The following DIXDC1 variants were observed in gnomAD, a reference collection of about 807,000 sequenced individuals.
DIXDC1 encodes DIX domain containing 1.
A neutral mutation model predicts 103.1 loss-of-function variants in DIXDC1; 64 were observed. The ratio of observed to expected loss-of-function variants is 0.62; its 90% CI spans 0.51 to 0.76. DIXDC1 has a LOEUF of 0.76. Among genes scored for constraint, DIXDC1 ranks in the 30% least tolerant of loss-of-function variants. The probability of loss-of-function intolerance (pLI) is 0.00; values close to 1 mark genes in which losing one functional copy is unlikely to be tolerated. For missense variants in DIXDC1, 759 were observed against 834.2 expected (o/e 0.91, Z 1.11); for synonymous variants, 266 against 298.5 (o/e 0.89, Z 1.12).
chr11:111,986,993 G>C (rs1057118886), intron 9 of DIXDC1, 69 bp downstream of exon 9: 2 of 1,339,546 alleles, frequency 1.5e-6, no homozygotes, highest in Admixed American at 2.1e-5. Flanking sequence ...GCTCGCGCCT[G>C]TAATCCCAGC....
At chr11:111,980,196 C>T (rs1860250267) in intron 5 of DIXDC1, among the ~76,000 whole-genome samples, 1 of 152,174 alleles carries the variant, frequency 6.6e-6, no homozygotes. Flanking sequence ...CCTCCAGCAA[C>T]TTTTCCCCTT....
intron 17 of DIXDC1, among the ~76,000 whole-genome samples, chr11:112,011,547 C>T (rs1233081142): frequency 6.6e-6 from 1 of 152,138 alleles, no homozygotes; most frequent in African/African-American, 2.4e-5. Context: ...AGACTTGGAA[C>T]CAACCCAAAT....
upstream of DIXDC1, among the ~76,000 whole-genome samples, chr11:111,935,477 T>C (rs1966161619): frequency 6.6e-6 from 1 of 152,222 alleles, no homozygotes; most frequent in African/African-American, 2.4e-5. Context: ...CCCTCTGATG[T>C]CTCAATATTT....
upstream of DIXDC1, chr11:111,937,314 C>A: frequency 2.2e-6 from 3 of 1,340,342 alleles, no homozygotes; most frequent in African/African-American, 4.6e-5. Context: ...GCGGAGGCCC[C>A]CGTGCGAGCA....
At chr11:111,936,986 C>T (rs587730486), upstream of DIXDC1, among the ~76,000 whole-genome samples, 65 of 146,170 alleles carry the variant, frequency 4.4e-4, no homozygotes, top group African/African-American at 1.6e-3. Context: ...TGTTTGTCAA[C>T]GTGTGTGTGT....
intron 17 of DIXDC1, among the ~76,000 whole-genome samples, chr11:111,996,845 A>G (rs1860916125): frequency 6.6e-6 from 1 of 152,208 alleles, no homozygotes; most frequent in Non-Finnish European, 1.5e-5. Flanking sequence ...GTAAGACTCC[A>G]TCTCAAAATA....
At chr11:111,964,803 A>G (rs782376590) in intron 2 of DIXDC1, 125 bp downstream of exon 2, 11 of 1,175,004 alleles carry the variant, frequency 9.4e-6, no homozygotes, top group Non-Finnish European at 1.1e-5. Context: ...GGTAGAGAAG[A>G]CTTAAAATAC....
chr11:111,996,589 G>A (rs1860908346), intron 17 of DIXDC1, among the ~76,000 whole-genome samples: 2 of 152,146 alleles, frequency 1.3e-5, no homozygotes, highest in South Asian at 4.1e-4. Flanking sequence ...GGTGGCTCAC[G>A]CCTGTAATCC....
chr11:111,963,476 G>A (rs1859638792), intron 1 of DIXDC1, among the ~76,000 whole-genome samples: 1 of 152,202 alleles, frequency 6.6e-6, no homozygotes, highest in Admixed American at 6.5e-5. Flanking sequence ...AGCAGCCAGT[G>A]AGTAATTTCC....
At chr11:112,016,862 C>T in intron 18 of DIXDC1, 66 bp downstream of exon 18, 1 of 1,370,524 alleles carries the variant, frequency 7.3e-7, no homozygotes, top group Middle Eastern at 1.8e-4. Context: ...TCATTAGTTA[C>T]TGCCCACATG....
Position 112,017,270 on chromosome 11 carries a change from G to A in DIXDC1, c.1862+474G>A, listed in dbSNP as rs7123284. On this transcript the variant is annotated intron_variant, in intron 18 of 19. Coordinates refer to ENST00000440460, the MANE Select transcript of DIXDC1 (RefSeq NM_001037954.4). The surrounding 1 kb of genome is among the most constrained non-coding windows in gnomAD (Gnocchi z 4.0). ...TTTTAAGGGAAATGGTTTTGAAATA[G>A]AAATATTTAAACTCTGCAACCAACT... 0.083 allele frequency among the ~76,000 whole-genome samples: 12,563 copies of A among 152,088 alleles called. 1,539 individuals carry two copies. Among genetic ancestry groups the A allele is most frequent in the African/African-American group, 0.26 (10,949 of 41,430 alleles).
At chr11:111,982,562 C>CT in intron 7 of DIXDC1, 75 bp downstream of exon 7, 1 of 1,504,642 alleles carries the variant, frequency 6.6e-7, no homozygotes, top group Non-Finnish European at 9.0e-7. Flanking sequence ...GGAAAATAAA[C>CT]TGATTTTAGT....
chr11:111,927,583 G>C (rs1465987080), intron 1 of DIXDC1, among the ~76,000 whole-genome samples: 1 of 151,820 alleles, frequency 6.6e-6, no homozygotes, highest in Non-Finnish European at 1.5e-5. Context: ...AGAGAGGAGG[G>C]GTAACGCACT....
rs183014808 is a variant in DIXDC1, at chr11:112,020,392, C to T, written c.*1356C>T. On this transcript the variant is annotated 3_prime_UTR_variant, in exon 20 of 20. Coordinates refer to ENST00000440460, the MANE Select transcript of DIXDC1 (RefSeq NM_001037954.4). ...CTCCAATTCATCTCCCCTTTTCAGC[C>T]ATTTCAACAAACTACTCTTTGGAGC... 3.3e-5 allele frequency: 5 copies of T among 152,784 alleles called. No homozygotes were observed. Among genetic ancestry groups the T allele is most frequent in the Admixed American group, 3.3e-4 (5 of 15,300 alleles). The allele number at this position is 152,784 out of a possible 1,614,324, so 9.5% of individuals were successfully genotyped here.
At chr11:111,937,995 G>A (rs1966277662) in intron 1 of DIXDC1, among the ~76,000 whole-genome samples, 1 of 152,234 alleles carries the variant, frequency 6.6e-6, no homozygotes, top group East Asian at 1.9e-4. Context: ...GTTTGAGAGG[G>A]CAGGGGACTG....
intron 2 of DIXDC1, among the ~76,000 whole-genome samples, chr11:111,966,228 C>CT (rs71060203): frequency 0.48 from 44,328 of 92,644 alleles, 11,145 homozygotes; most frequent in African/African-American, 0.73. Flanking sequence ...TTTTTTTTTC[C>CT]TTTTTTTTTT....
intron 17 of DIXDC1, among the ~76,000 whole-genome samples, chr11:112,011,111 AAATC>A (rs1555177157): frequency 6.6e-6 from 1 of 152,206 alleles, no homozygotes. Context: ...TACAAGAAAA[AAATC>A]AAACAACCCC....
At chr11:112,000,049 C>A (rs1861019588) in intron 17 of DIXDC1, among the ~76,000 whole-genome samples, 1 of 152,070 alleles carries the variant, frequency 6.6e-6, no homozygotes, top group South Asian at 2.1e-4. Flanking sequence ...GCACAAGAAT[C>A]ACTTGAACCT....
chr11:111,995,889 GA>G (rs1555175354), intron 16 of DIXDC1, among the ~76,000 whole-genome samples, 190 bp from the exon 17 acceptor site: 1 of 152,076 alleles, frequency 6.6e-6, no homozygotes, highest in South Asian at 2.1e-4. Context: ...AAAATATACG[GA>G]AAATGCACTG....
Sources: allele counts gnomAD v4.1 joint callset (sites outside exome capture counted in the v4.1 genomes callset), GRCh38; gene constraint gnomAD v4.1.1; non-coding constraint Gnocchi (gnomAD v3.1); transcripts MANE v1.5; gene names NCBI Gene and HGNC (gene_info 2026-07-23, HGNC 2026-07-21).